The following BCL2L13 variants were observed in gnomAD, a reference collection of about 807,000 sequenced individuals.
BCL2L13 encodes bcl-2-like protein 13.
BCL2L13 carries 13 observed loss-of-function variants against 25.8 expected under a neutral mutation model. The ratio of observed to expected loss-of-function variants is 0.50; its 90% CI spans 0.33 to 0.80. The LOEUF is 0.80. Among genes scored for constraint, BCL2L13 ranks in the 30% least tolerant of loss-of-function variants. The probability of loss-of-function intolerance (pLI) is 0.02; values close to 1 mark genes in which losing one functional copy is unlikely to be tolerated. For missense variants in BCL2L13, 504 were observed against 574.9 expected (o/e 0.88, Z 1.26); for synonymous variants, 244 against 230.3 (o/e 1.06, Z -0.54).
At chr22:17,647,360 G>A (rs1171852869) in intron 1 of BCL2L13, among the ~76,000 whole-genome samples, 2 of 151,906 alleles carry the variant, frequency 1.3e-5, no homozygotes, top group African/African-American at 4.8e-5. Context: ...CGCCTGCCTT[G>A]GCCTCCCAAA....
intron 6 of BCL2L13, among the ~76,000 whole-genome samples, chr22:17,710,813 C>T (rs1416718454): frequency 1.3e-5 from 2 of 151,504 alleles, no homozygotes; most frequent in African/African-American, 4.8e-5. Flanking sequence ...AGAGGCGGAG[C>T]TTGCAGTGAG....
At chr22:17,652,417 A>T (rs575626534) in intron 1 of BCL2L13, among the ~76,000 whole-genome samples, 26 of 152,144 alleles carry the variant, frequency 1.7e-4, no homozygotes, top group Non-Finnish European at 3.2e-4. Flanking sequence ...CAACTATTTT[A>T]TGTAAAGTGT....
intron 1 of BCL2L13, among the ~76,000 whole-genome samples, chr22:17,644,488 C>T (rs961978515): frequency 6.6e-6 from 1 of 150,930 alleles, no homozygotes; most frequent in Admixed American, 6.6e-5. Flanking sequence ...CGTGCCACCA[C>T]GCCCAGCTAA....
rs989289817 is a variant in BCL2L13, at chr22:17,704,096, C to CT, written c.600+1720dup. On this transcript the variant is annotated intron_variant, in intron 6 of 6. Coordinates refer to ENST00000317582, the MANE Select transcript of BCL2L13 (RefSeq NM_015367.4). ...ATGGATAACTAGTTCATTAATACTT[C>CT]TTTTTTTTTTGAAACAGTCTTGCTC... Among the ~76,000 whole-genome samples, 57 of 149,840 alleles carry CT rather than the reference C, an allele frequency of 3.8e-4. 1 individual carries two copies. The highest frequency in any genetic ancestry group is 1.7e-3 in the South Asian group (8 of 4,740).
intron 1 of BCL2L13, among the ~76,000 whole-genome samples, chr22:17,629,818 T>TACACACACACACACAC (rs3044578): frequency 4.7e-4 from 69 of 148,186 alleles, no homozygotes; most frequent in African/African-American, 1.4e-3. Flanking sequence ...TTTATTTTCA[T>TACACACACACACACAC]ACACACACAC....
At chr22:17,686,517 C>CTT (rs542476608) in intron 3 of BCL2L13, among the ~76,000 whole-genome samples, 71,241 of 139,736 alleles carry the variant, frequency 0.51, 18,746 homozygotes, top group East Asian at 0.84. Flanking sequence ...CTTTTTTTTT[C>CTT]TTTTTTTTTT....
intron 2 of BCL2L13, among the ~76,000 whole-genome samples, chr22:17,666,220 T>C (rs984958246): frequency 8.8e-6 from 1 of 113,992 alleles, no homozygotes; most frequent in African/African-American, 3.8e-5. Context: ...TTTATTTTTT[T>C]AAATTTTTTG....
At chr22:17,633,892 G>A (rs984793199), upstream of BCL2L13, among the ~76,000 whole-genome samples, 4 of 151,892 alleles carry the variant, frequency 2.6e-5, no homozygotes, top group Non-Finnish European at 2.9e-5. Context: ...GAAGCCTTCC[G>A]CTGGCTCTAG....
intron 2 of BCL2L13, among the ~76,000 whole-genome samples, chr22:17,680,446 T>G (rs1163271839): frequency 2.2e-5 from 3 of 135,148 alleles, no homozygotes; most frequent in Middle Eastern, 8.4e-3. Context: ...GAGGTGGAGC[T>G]TGCAGTGAGC....
intron 5 of BCL2L13, among the ~76,000 whole-genome samples, chr22:17,701,004 T>G (rs1480338182): frequency 6.6e-6 from 1 of 152,238 alleles, no homozygotes; most frequent in East Asian, 1.9e-4. Flanking sequence ...TCCTTTTGCA[T>G]TCCTTTTGCA....
chr22:17,645,716 G>A lies in BCL2L13; in HGVS notation c.-51+6830G>A, dbSNP rs536767475. The stretch of plus-strand genomic sequence containing the variant: ...ATACATTTGTTGTTAAAGGTTCATG[G>A]ATGTTTTATTTGTGGCTGGTTTTGG... On this transcript the variant is annotated intron_variant, in intron 1 of 6. Coordinates refer to ENST00000317582, the MANE Select transcript of BCL2L13 (RefSeq NM_015367.4). Among the ~76,000 whole-genome samples, 62 of 151,552 alleles carry A rather than the reference G, an allele frequency of 4.1e-4. 1 individual carries two copies. In the South Asian group the frequency reaches 6.8e-3, roughly 17 times the overall value.
intron 6 of BCL2L13, among the ~76,000 whole-genome samples, chr22:17,721,071 G>A (rs567633569): frequency 4.0e-4 from 61 of 152,108 alleles, no homozygotes; most frequent in African/African-American, 1.4e-3. Context: ...GGGGGAGGCT[G>A]AGGCAGGAGA....
chr22:17,635,857 G>A (rs371745110), upstream of BCL2L13, among the ~76,000 whole-genome samples: 6 of 137,894 alleles, frequency 4.4e-5, no homozygotes, highest in Admixed American at 7.7e-5. Context: ...CTGAAGGTGC[G>A]CGCCACCATG....
At chr22:17,706,710 T>A in intron 6 of BCL2L13, 1 of 1,351,514 alleles carries the variant, frequency 7.4e-7, no homozygotes, top group South Asian at 1.1e-5. Flanking sequence ...TGTGCTGTGA[T>A]TCTCCCTGAG....
intron 6 of BCL2L13, 88 bp from the exon 7 acceptor site, chr22:17,726,589 G>A (rs985244465): frequency 1.4e-5 from 20 of 1,437,214 alleles, no homozygotes; most frequent in South Asian, 2.6e-5. Context: ...TAGAACTTCA[G>A]TTTAGGAAAG....
At chr22:17,709,674 AC>A (rs1230920503) in intron 6 of BCL2L13, among the ~76,000 whole-genome samples, 1 of 152,182 alleles carries the variant, frequency 6.6e-6, no homozygotes, top group East Asian at 1.9e-4. Context: ...AATCCCAACT[AC>A]TCAGGTGGCT....
chr22:17,656,172 A>C (rs1414844546), intron 2 of BCL2L13, among the ~76,000 whole-genome samples: 1 of 150,350 alleles, frequency 6.7e-6, no homozygotes, highest in Non-Finnish European at 1.5e-5. Context: ...CCCGGGAGGC[A>C]GAGGTTGCAG....
chr22:17,704,161 C>G (rs1036899567), intron 6 of BCL2L13, among the ~76,000 whole-genome samples: 2 of 152,186 alleles, frequency 1.3e-5, no homozygotes, highest in Non-Finnish European at 2.9e-5. Context: ...TTGCAGCCCA[C>G]TGCAGCCTCC....
chr22:17,705,452 C>T (rs968305923), intron 6 of BCL2L13, among the ~76,000 whole-genome samples: 21 of 151,774 alleles, frequency 1.4e-4, no homozygotes, highest in African/African-American at 4.8e-4. Flanking sequence ...TGGCTGCCAC[C>T]ACACCCGGCT....
Sources: allele counts gnomAD v4.1 joint callset (sites outside exome capture counted in the v4.1 genomes callset), GRCh38; gene constraint gnomAD v4.1.1; transcripts MANE v1.5; gene names NCBI Gene and HGNC (gene_info 2026-07-23, HGNC 2026-07-21).